The following ERI3 variants were observed in gnomAD, a reference collection of about 807,000 sequenced individuals.
ERI3 encodes ERI1 exoribonuclease family member 3.
Under a neutral mutation model 44.4 loss-of-function variants are expected in ERI3, and 18 were observed. The ratio of observed to expected loss-of-function variants is 0.41; its 90% CI spans 0.28 to 0.60. The LOEUF (loss-of-function observed/expected upper bound fraction) is 0.60. Ranked by LOEUF, ERI3 falls within the 20% of genes least tolerant of loss-of-function variation. The pLI is 0.36. For synonymous variants in ERI3, 183 were observed against 164.8 expected (o/e 1.11, Z -0.84); for missense variants, 294 against 435.5 (o/e 0.68, Z 2.89).
chr1:44,257,199 T>C (rs1644799243), intron 7 of ERI3, among the ~76,000 whole-genome samples: 2 of 152,178 alleles, frequency 1.3e-5, no homozygotes, highest in African/African-American at 4.8e-5. Flanking sequence ...ATTAAATCCA[T>C]GGTAATCATA....
At chr1:44,285,387 T>C (rs973621995) in intron 6 of ERI3, among the ~76,000 whole-genome samples, 1 of 152,136 alleles carries the variant, frequency 6.6e-6, no homozygotes, top group African/African-American at 2.4e-5. Flanking sequence ...GTTATTTTGT[T>C]ACAGCAGAGA....
At chr1:44,284,733 G>C in intron 7 of ERI3, 102 bp downstream of exon 7, 1 of 856,240 alleles carries the variant, frequency 1.2e-6, no homozygotes, top group Non-Finnish European at 1.9e-6. Context: ...AGAACAAAAA[G>C]AAAAAGAGGG....
intron 8 of ERI3, among the ~76,000 whole-genome samples, chr1:44,236,928 T>C (rs532347486): frequency 1.3e-5 from 2 of 152,296 alleles, no homozygotes; most frequent in African/African-American, 4.8e-5. Flanking sequence ...ATCTTGTGCT[T>C]GTGGCCTTCT....
chr1:44,309,425 G>A (rs185536819), intron 5 of ERI3, among the ~76,000 whole-genome samples: 2 of 152,134 alleles, frequency 1.3e-5, no homozygotes, highest in East Asian at 3.9e-4. Flanking sequence ...GGCCTGGGAG[G>A]TGGAGGTTGC....
chr1:44,316,780 A>G (rs1158122465), intron 4 of ERI3, among the ~76,000 whole-genome samples: 3 of 151,954 alleles, frequency 2.0e-5, no homozygotes, highest in Non-Finnish European at 2.9e-5. Flanking sequence ...TTTTTTCATG[A>G]TAACAACAAC....
intron 1 of ERI3, chr1:44,354,265 G>A: frequency 3.0e-6 from 3 of 985,404 alleles, no homozygotes; most frequent in Non-Finnish European, 3.6e-6. Context: ...AGTGGCCAGA[G>A]ACCTCTCGCA....
At chr1:44,225,196 G>C (rs138227170) in intron 8 of ERI3, among the ~76,000 whole-genome samples, 226 of 152,256 alleles carry the variant, frequency 1.5e-3, no homozygotes, top group Non-Finnish European at 2.6e-3. Flanking sequence ...GGGTGGGAGT[G>C]AGGTGGCAGG....
intron 7 of ERI3, among the ~76,000 whole-genome samples, chr1:44,249,237 G>A (rs1385194494): frequency 6.6e-6 from 1 of 152,180 alleles, no homozygotes; most frequent in Non-Finnish European, 1.5e-5. Context: ...GCAGTGGTCA[G>A]AATGAAGCTT....
chr1:44,261,055 A>C (rs1644883011), intron 7 of ERI3, among the ~76,000 whole-genome samples: 1 of 152,240 alleles, frequency 6.6e-6, no homozygotes, highest in Non-Finnish European at 1.5e-5. Flanking sequence ...AGAAGCAGGC[A>C]GGTGCTGTTC....
chr1:44,230,984 A>G (rs1329494771), intron 8 of ERI3, among the ~76,000 whole-genome samples: 1 of 152,130 alleles, frequency 6.6e-6, no homozygotes, highest in Non-Finnish European at 1.5e-5. Context: ...TGAATTTTGA[A>G]TTTTTTTCAG....
chr1:44,332,764 G>C (rs1646457674), intron 3 of ERI3, among the ~76,000 whole-genome samples: 2 of 152,240 alleles, frequency 1.3e-5, no homozygotes, highest in African/African-American at 4.8e-5. Context: ...AGCCATAGTG[G>C]GAGCCAGGCG....
intron 7 of ERI3, among the ~76,000 whole-genome samples, chr1:44,273,077 C>T (rs1202720850): frequency 6.6e-6 from 1 of 152,116 alleles, no homozygotes; most frequent in African/African-American, 2.4e-5. Context: ...CAAAACCACA[C>T]TTAGGTACCT....
chr1:44,320,551 G>A (rs886402369), intron 3 of ERI3, among the ~76,000 whole-genome samples: 2 of 152,172 alleles, frequency 1.3e-5, no homozygotes, highest in African/African-American at 4.8e-5. Context: ...AGGGAGGAAC[G>A]CACCAGAGTG....
chr1:44,340,268 C>G (rs568655794), intron 2 of ERI3, among the ~76,000 whole-genome samples: 1 of 151,980 alleles, frequency 6.6e-6, no homozygotes, highest in Non-Finnish European at 1.5e-5. Flanking sequence ...GTTTTACTCA[C>G]GAATAACTCA....
At chr1:44,275,684 G>A (rs773339191) in intron 7 of ERI3, among the ~76,000 whole-genome samples, 2 of 152,146 alleles carry the variant, frequency 1.3e-5, no homozygotes, top group African/African-American at 2.4e-5. Flanking sequence ...GTGTACGGAT[G>A]GCAGAGGAAA....
chr1:44,323,287 C>G (rs906531372), intron 3 of ERI3, among the ~76,000 whole-genome samples: 32 of 152,208 alleles, frequency 2.1e-4, no homozygotes, highest in African/African-American at 7.2e-4. Flanking sequence ...TTTGGAGAAG[C>G]ACATGGACTA....
At chr1:44,335,710 C>T (rs1043224358) in intron 3 of ERI3, among the ~76,000 whole-genome samples, 4 of 150,908 alleles carry the variant, frequency 2.7e-5, no homozygotes, top group Admixed American at 2.0e-4. Flanking sequence ...GAGATCACAC[C>T]ATTGCACTCC....
intron 3 of ERI3, among the ~76,000 whole-genome samples, chr1:44,325,632 T>A (rs1646296820): frequency 6.6e-6 from 1 of 152,178 alleles, no homozygotes; most frequent in African/African-American, 2.4e-5. Context: ...TTGGGATTCA[T>A]AAAACTGGGA....
At chr1:44,248,187 C>G (rs549711287) in intron 7 of ERI3, 149 bp from the exon 8 acceptor site, 49 of 556,696 alleles carry the variant, frequency 8.8e-5, no homozygotes, top group Non-Finnish European at 1.5e-4. Flanking sequence ...CACCCAGGTC[C>G]TCCCCAGACC....
Sources: allele counts gnomAD v4.1 joint callset (sites outside exome capture counted in the v4.1 genomes callset), GRCh38; gene constraint gnomAD v4.1.1; transcripts MANE v1.5; gene names NCBI Gene and HGNC (gene_info 2026-07-23, HGNC 2026-07-21).